The following ZNF207 variants were observed in gnomAD, a reference collection of about 807,000 sequenced individuals.
The protein encoded by ZNF207 is zinc finger protein 207.
Under a neutral mutation model 60.2 loss-of-function variants are expected in ZNF207, and 24 were observed. That is an observed-to-expected ratio of 0.40 (90% CI 0.29 to 0.56). ZNF207 has a LOEUF of 0.56. Ranked by LOEUF, ZNF207 falls within the 20% of genes least tolerant of loss-of-function variation. ZNF207 has a pLI of 0.49. For missense variants in ZNF207, 452 were observed against 636.6 expected (o/e 0.71, Z 3.12); for synonymous variants, 236 against 194.7 (o/e 1.21, Z -1.77).
chr17:32,350,201 G>C lies in ZNF207; in HGVS notation c.-85G>C. The stretch of plus-strand genomic sequence containing the variant: ...CTTCCTGTGGGACGTGGTGGTAGCC[G>C]TTGGGTTGGGAAAGTGAGGGATTTT... On this transcript the variant is annotated 5_prime_UTR_variant, in exon 1 of 12. Transcript: ENST00000394670. The C allele has an allele frequency of 6.3e-7, 1 of 1,588,964 alleles. No individual in the cohort carries two copies. Among genetic ancestry groups the C allele is most frequent in the Non-Finnish European group, 8.6e-7 (1 of 1,157,982 alleles).
chr17:32,351,228 TA>T (rs1235746819), intron 1 of ZNF207: 2 of 177,030 alleles, frequency 1.1e-5, no homozygotes, highest in African/African-American at 2.4e-5. Context: ...TTATTGATTT[TA>T]TTGATCTGTG....
At chr17:32,366,092 T>C (rs1905150249) in intron 8 of ZNF207, among the ~76,000 whole-genome samples, 1 of 152,234 alleles carries the variant, frequency 6.6e-6, no homozygotes, top group African/African-American at 2.4e-5. Flanking sequence ...TTTCCTAGTT[T>C]CATTGAGAAG....
chr17:32,364,984 A>C (rs1476727968), intron 7 of ZNF207, among the ~76,000 whole-genome samples: 1 of 152,216 alleles, frequency 6.6e-6, no homozygotes, highest in Non-Finnish European at 1.5e-5. Flanking sequence ...TGTAATTTGC[A>C]CTAGGGTTCA....
intron 6 of ZNF207, 113 bp downstream of exon 6, chr17:32,361,628 C>T (rs947534956): frequency 2.1e-6 from 2 of 943,466 alleles, no homozygotes; most frequent in Admixed American, 3.2e-5. Flanking sequence ...TAACCTTCCT[C>T]ACTAAAACTT....
chr17:32,352,006 C>A (rs1298791733), intron 2 of ZNF207, 94 bp downstream of exon 2: 12 of 1,311,628 alleles, frequency 9.1e-6, no homozygotes, highest in Non-Finnish European at 1.2e-5. Flanking sequence ...TCGGTCTTGT[C>A]GCCCAAGCTG....
At chr17:32,365,600 A>G (rs1250673012) in intron 8 of ZNF207, 113 bp downstream of exon 8, 27 of 954,860 alleles carry the variant, frequency 2.8e-5, no homozygotes, top group East Asian at 3.8e-5. Flanking sequence ...AATATTTTTA[A>G]TATTATTTAT....
At chr17:32,354,608 C>T (rs1264989891) in intron 2 of ZNF207, among the ~76,000 whole-genome samples, 1 of 151,686 alleles carries the variant, frequency 6.6e-6, no homozygotes, top group African/African-American at 2.4e-5. Context: ...CTGCAGCTGG[C>T]CTCTATTAGA....
At chr17:32,366,810 C>CTT in intron 9 of ZNF207, 53 bp downstream of exon 9, 1 of 1,448,148 alleles carries the variant, frequency 6.9e-7, no homozygotes, top group Non-Finnish European at 9.3e-7. Flanking sequence ...TAACTTAACC[C>CTT]TTTGGACCCT....
rs769471067 is a variant in ZNF207, at chr17:32,350,216, T to G, written c.-70T>G. 8.1e-6 allele frequency: 13 copies of G among 1,607,890 alleles called. No homozygotes were observed. The highest frequency in any genetic ancestry group is 7.7e-5 in the South Asian group (7 of 90,926). ...GGTGGTAGCCGTTGGGTTGGGAAAGTGAGGGATTTTTGGCCTCGTTTCTCC... is the reference window on the plus strand; with the variant it reads ...GGTGGTAGCCGTTGGGTTGGGAAAGGGAGGGATTTTTGGCCTCGTTTCTCC... On this transcript the variant is annotated 5_prime_UTR_variant, in exon 1 of 12. Coordinates refer to ENST00000394670, the MANE Select transcript of ZNF207 (RefSeq NM_001098507.2).
rs1317052508 is a variant in ZNF207 at position 32,350,171 on chromosome 17, G to A, written c.-115G>A. 2 of 1,530,946 alleles carry A rather than the reference G, an allele frequency of 1.3e-6. No homozygotes were observed. The highest frequency in any genetic ancestry group is 1.8e-6 in the Non-Finnish European group (2 of 1,108,658). The allele number at this position is 1,530,946 out of a possible 1,614,324, so 94.8% of individuals were successfully genotyped here. Reference sequence around the variant, plus strand: ...GGAACGAGGCCGTCGGCCATTTTGTGTCTGCTTCCTGTGGGACGTGGTGGT... The same window carrying A: ...GGAACGAGGCCGTCGGCCATTTTGTATCTGCTTCCTGTGGGACGTGGTGGT... On this transcript the variant is annotated 5_prime_UTR_variant, in exon 1 of 12. Coordinates refer to ENST00000394670, the MANE Select transcript of ZNF207 (RefSeq NM_001098507.2).
chr17:32,364,741 G>A (rs548564291), intron 7 of ZNF207, among the ~76,000 whole-genome samples: 5 of 152,152 alleles, frequency 3.3e-5, no homozygotes, highest in Non-Finnish European at 7.3e-5. Flanking sequence ...ATGGACACAG[G>A]AAAAATAAAG....
chr17:32,369,673 C>T lies in ZNF207; in HGVS notation c.1399C>T (p.Pro467Ser). The change falls in exon 12 of 12, where the codon CCA becomes TCA. Residue 467 changes from proline to serine, a missense_variant. Pro to Ser is a moderately conservative substitution (Grantham distance 74, BLOSUM62 -1). Coordinates refer to ENST00000394670, the MANE Select transcript of ZNF207 (RefSeq NM_001098507.2). ...TATGCCCCCGTATGGGCAGGGACCG[C>T]CAATGGTGCCCCCTTACCAGGGTGG... ...GAMPPYGQGP[P>S]MVPPYQGGPP... is the part of the protein sequence containing the mutation. 1 of 1,599,230 alleles carries T rather than the reference C, an allele frequency of 6.3e-7. No homozygotes were observed. Among genetic ancestry groups the T allele is most frequent in the Non-Finnish European group, 8.5e-7 (1 of 1,172,884 alleles).
chr17:32,350,413 C>A (rs2041479415), intron 1 of ZNF207, 87 bp downstream of exon 1: 1 of 1,569,594 alleles, frequency 6.4e-7, no homozygotes, highest in Non-Finnish European at 8.8e-7. Context: ...TGGCTTACGG[C>A]GTGGAGCGTT....
At chr17:32,354,578 G>C (rs112203223) in intron 2 of ZNF207, among the ~76,000 whole-genome samples, 4 of 151,838 alleles carry the variant, frequency 2.6e-5, no homozygotes, top group African/African-American at 9.7e-5. Context: ...CCAAAGTGCT[G>C]GGATTACAGG....
intron 2 of ZNF207, among the ~76,000 whole-genome samples, chr17:32,357,456 C>G (rs1234325725): frequency 1.3e-5 from 2 of 150,060 alleles, no homozygotes; most frequent in Admixed American, 1.3e-4. Context: ...TCAAGCGATT[C>G]TTCTGCCTCA....
In ZNF207 at chr17:32,375,078, A is replaced by T. The variant is rs991254050; in HGVS notation, c.*5319A>T. The T allele has an allele frequency of 6.6e-6, 1 of 152,194 alleles. No homozygotes were observed. Among genetic ancestry groups the T allele is most frequent in the Non-Finnish European group, 1.5e-5 (1 of 68,036 alleles). The allele number at this position is 152,194 out of a possible 1,614,324, so 9.4% of individuals were successfully genotyped here. A position where few individuals can be genotyped will look rare whatever the true frequency, so the allele number is the denominator to read the frequency against. ...AGTTTACTCTGAGCAGTAACAATGA[A>T]CAAGCAGTATAGCATTTAGCAAACC... is the stretch of plus-strand genomic sequence containing the variant. On this transcript the variant is annotated 3_prime_UTR_variant, in exon 12 of 12. Transcript: ENST00000394670.
rs1905590024 is a variant in ZNF207, at chr17:32,374,220, T to TG, written c.*4461_*4462insG. 7.6e-6 allele frequency: 1 copy of TG among 132,226 alleles called. No homozygotes were observed. Among genetic ancestry groups the TG allele is most frequent in the Non-Finnish European group, 1.6e-5 (1 of 62,624 alleles). 8.2% of individuals were successfully genotyped at this position (132,226 alleles called of 1,614,324 possible). A position where few individuals can be genotyped will look rare whatever the true frequency, so the allele number is the denominator to read the frequency against. On this transcript the variant is annotated 3_prime_UTR_variant, in exon 12 of 12. Coordinates refer to ENST00000394670, the MANE Select transcript of ZNF207 (RefSeq NM_001098507.2). ...TGGCCAAAATCTGCATTCTTTTTTTTTTTTTTTTTTTTTTTTTGAGACTGT... is the reference window on the plus strand; with the variant it reads ...TGGCCAAAATCTGCATTCTTTTTTTTGTTTTTTTTTTTTTTTTTGAGACTGT...
intron 9 of ZNF207, 103 bp from the exon 10 acceptor site, chr17:32,367,669 T>G (rs894962617): frequency 7.1e-7 from 1 of 1,417,630 alleles, no homozygotes; most frequent in African/African-American, 1.4e-5. Flanking sequence ...ATTTAAAGTT[T>G]GGTCCTTTAT....
intron 1 of ZNF207, 121 bp downstream of exon 1, chr17:32,350,447 G>A: frequency 7.5e-7 from 1 of 1,334,292 alleles, no homozygotes; most frequent in Non-Finnish European, 1.1e-6. Flanking sequence ...CTGCGTGGGT[G>A]GCCTGGTGGC....
Sources: gnomAD v4.1 joint callset for allele counts (sites outside exome capture counted in the v4.1 genomes callset) on GRCh38, gnomAD v4.1.1 for gene constraint, MANE v1.5 for transcripts, NCBI Gene and HGNC (gene_info 2026-07-23, HGNC 2026-07-21) for gene names.